The following CNTNAP3 variants were observed in gnomAD, a reference collection of about 807,000 sequenced individuals.
The protein encoded by CNTNAP3 is contactin associated protein family member 3.
In CNTNAP3, 36 loss-of-function variants were observed where a neutral mutation model predicts 92.1. The ratio of observed to expected loss-of-function variants is 0.39; its 90% CI spans 0.30 to 0.52. The LOEUF (loss-of-function observed/expected upper bound fraction) is 0.52. CNTNAP3 is among the 20% of genes least tolerant of loss of function. The pLI, the probability that CNTNAP3 is intolerant of heterozygous loss-of-function variation, is 0.76. For missense variants in CNTNAP3, 534 were observed against 1,069.6 expected, an observed-to-expected ratio of 0.50 and a Z score of 6.98; for synonymous variants, 232 against 422.3, an observed-to-expected ratio of 0.55 and a Z score of 5.53.
intron 11 of CNTNAP3, among the ~76,000 whole-genome samples, chr9:39,142,076 T>C (rs1412044451): frequency 6.6e-6 from 1 of 152,178 alleles, no homozygotes; most frequent in African/African-American, 2.4e-5. Context: ...GAAATACTTT[T>C]TCAATCTCCT....
chr9:39,086,690 T>C (rs200008891), intron 20 of CNTNAP3, 26 bp downstream of exon 20: 2 of 1,604,654 alleles, frequency 1.2e-6, no homozygotes, highest in Non-Finnish European at 8.5e-7. Context: ...TATTAGTTAG[T>C]TTGACTTTTG....
rs1826688251 is a variant in CNTNAP3 at position 39,109,386 on chromosome 9, G to C, written c.2238-99C>G. On this transcript the variant is annotated intron_variant, in intron 14 of 23. Coordinates refer to ENST00000297668, the MANE Select transcript of CNTNAP3 (RefSeq NM_033655.5). Reference sequence around the variant, plus strand: ...CTCAATTTGAAACCAACATCATAGAGCTTAACAGAATACTTAACATTTTCA... The same window carrying C: ...CTCAATTTGAAACCAACATCATAGACCTTAACAGAATACTTAACATTTTCA... The C allele has an allele frequency of 2.6e-6, 4 of 1,529,050 alleles. No homozygotes were observed. The East Asian group carries it at 9.6e-5, about 37-fold the overall frequency. 94.7% of individuals were successfully genotyped at this position (1,529,050 alleles called of 1,614,324 possible).
intron 18 of CNTNAP3, among the ~76,000 whole-genome samples, chr9:39,091,213 T>C (rs1467387867): frequency 6.6e-6 from 1 of 151,614 alleles, no homozygotes; most frequent in Non-Finnish European, 1.5e-5. Context: ...CAGTCTGGCC[T>C]GAACCTCTAG....
At chr9:39,153,853 C>A (rs147360830) in intron 9 of CNTNAP3, among the ~76,000 whole-genome samples, 2,436 of 144,902 alleles carry the variant, frequency 0.017, 260 homozygotes, top group African/African-American at 0.061. Flanking sequence ...GCCACCGCGT[C>A]TGGCCTAAAC....
rs1306611494 is a variant in CNTNAP3 at position 39,066,584 on chromosome 9, A to G, written c.*7306T>C. Among the ~76,000 whole-genome samples the G allele has an allele frequency of 7.2e-5, 11 of 152,356 alleles. No individual in the cohort carries two copies. In the South Asian group the frequency reaches 2.3e-3, roughly 32 times the overall value. On this transcript the variant is annotated 3_prime_UTR_variant, in exon 24 of 24. Transcript: ENST00000297668. ...TTTAACTTTTCTATGTCTGAAAAAT[A>G]TCTTTGTTTCATCCTTTCTTGAAAG...
chr9:39,112,368 T>G (rs1826768649), intron 14 of CNTNAP3, among the ~76,000 whole-genome samples: 1 of 147,428 alleles, frequency 6.8e-6, no homozygotes, highest in Non-Finnish European at 1.5e-5. Context: ...ACTTTTTAAC[T>G]TTTTTTTTTT....
At chr9:39,109,428 G>A in intron 14 of CNTNAP3, 141 bp from the exon 15 acceptor site, 1 of 1,396,244 alleles carries the variant, frequency 7.2e-7, no homozygotes, top group Non-Finnish European at 9.6e-7. Context: ...TGAGAGCACA[G>A]AGACTACCAT....
intron 13 of CNTNAP3, 35 bp downstream of exon 13, chr9:39,132,897 C>A: frequency 1.3e-6 from 2 of 1,519,892 alleles, no homozygotes; most frequent in South Asian, 1.2e-5. Context: ...GCCCCGGCCC[C>A]GTGAACCCCT....
chr9:39,131,412 A>G (rs1217771724), intron 13 of CNTNAP3, among the ~76,000 whole-genome samples: 1 of 152,118 alleles, frequency 6.6e-6, no homozygotes, highest in Admixed American at 6.5e-5. Flanking sequence ...TTTGAATGCA[A>G]CCAGACCTTT....
chr9:39,159,865 TAG>T (rs1822047858), intron 9 of CNTNAP3: 1 of 143,654 alleles, frequency 7.0e-6, no homozygotes, highest in Non-Finnish European at 1.5e-5. Context: ...TCTCTCACTT[TAG>T]AAGTGTGGGA....
chr9:39,068,243 CAAA>C lies in CNTNAP3; in HGVS notation c.*5644_*5646del, dbSNP rs1198106886. On this transcript the variant is annotated 3_prime_UTR_variant, in exon 24 of 24. Coordinates refer to ENST00000297668, the MANE Select transcript of CNTNAP3 (RefSeq NM_033655.5). ...TGAAACCTTGCCTCCACTAAAAATA[CAAA>C]AAAAAAAAAAAAAAAAAAAATTAGC... Among the ~76,000 whole-genome samples, 72 of 129,328 alleles carry C rather than the reference CAAA, an allele frequency of 5.6e-4. No individual in the cohort carries two copies. Among genetic ancestry groups the C allele is most frequent in the South Asian group, 7.4e-4 (3 of 4,054 alleles). The allele number at this position is 129,328 out of a possible 152,430, so 84.8% of individuals were successfully genotyped here. A position where few individuals can be genotyped will look rare whatever the true frequency, so the allele number is the denominator to read the frequency against.
intron 18 of CNTNAP3, among the ~76,000 whole-genome samples, chr9:39,090,822 A>G (rs879645123): frequency 6.6e-5 from 10 of 152,304 alleles, no homozygotes; most frequent in Admixed American, 3.9e-4. Context: ...TATTCAATCC[A>G]TGACATGAAA....
chr9:39,123,964 T>TA (rs1821098030), intron 13 of CNTNAP3, among the ~76,000 whole-genome samples: 1 of 151,596 alleles, frequency 6.6e-6, no homozygotes, highest in African/African-American at 2.4e-5. Flanking sequence ...ACAATATAGG[T>TA]CAAAAACACA....
intron 9 of CNTNAP3, among the ~76,000 whole-genome samples, chr9:39,158,315 A>G (rs550129214): frequency 1.6e-5 from 2 of 125,900 alleles, no homozygotes; most frequent in African/African-American, 3.6e-5. Context: ...TCTGGAAGAC[A>G]TGCATTTCAG....
intron 14 of CNTNAP3, among the ~76,000 whole-genome samples, chr9:39,117,723 C>T (rs865846495): frequency 4.6e-5 from 7 of 152,134 alleles, no homozygotes; most frequent in South Asian, 4.1e-4. Context: ...GAATATGCAG[C>T]ATTATATCCC....
At chr9:39,109,337 G>A (rs753549695) in intron 14 of CNTNAP3, 50 bp from the exon 15 acceptor site, 9 of 1,602,668 alleles carry the variant, frequency 5.6e-6, no homozygotes, top group Non-Finnish European at 6.8e-6. Flanking sequence ...TAACATACGG[G>A]CAAAATTAAC....
rs996492797 is a variant in CNTNAP3 at position 39,066,475 on chromosome 9, C to G, written c.*7415G>C. Among the ~76,000 whole-genome samples the G allele has an allele frequency of 9.2e-5, 14 of 152,200 alleles. No individual in the cohort carries two copies. The highest frequency in any genetic ancestry group is 1.9e-4 in the Non-Finnish European group (13 of 68,028). ...GTGTGGATCCATGTTTCTATCTGCACAAAGATATTATTCTTTATTTTCCTT... is the reference window on the plus strand; with the variant it reads ...GTGTGGATCCATGTTTCTATCTGCAGAAAGATATTATTCTTTATTTTCCTT... On this transcript the variant is annotated 3_prime_UTR_variant, in exon 24 of 24. Coordinates refer to ENST00000297668, the MANE Select transcript of CNTNAP3 (RefSeq NM_033655.5).
Position 39,072,963 on chromosome 9 carries a change from G to A in CNTNAP3, c.*927C>T, listed in dbSNP as rs1232155944. 1 of 152,728 alleles carries A rather than the reference G, an allele frequency of 6.5e-6. No homozygotes were observed. The highest frequency in any genetic ancestry group is 1.9e-4 in the East Asian group (1 of 5,208). The allele number at this position is 152,728 out of a possible 1,614,324, so 9.5% of individuals were successfully genotyped here. The stretch of plus-strand genomic sequence containing the variant: ...TTCACGTCTTAATGATATAAATAAA[G>A]GATAACTCTGTGTAAGAAGTATTGT... On this transcript the variant is annotated 3_prime_UTR_variant, in exon 24 of 24. Transcript: ENST00000297668.
rs1825570490 is a variant in CNTNAP3, at chr9:39,068,760, T to A, written c.*5130A>T. On this transcript the variant is annotated 3_prime_UTR_variant, in exon 24 of 24. Transcript: ENST00000297668. ...TTGCTAGGCTTCCTTAAGCTATCTA[T>A]CTCCATTGTCACTGCTGTCTCAAAT... Among the ~76,000 whole-genome samples the A allele has an allele frequency of 6.6e-6, 1 of 152,312 alleles. No individual in the cohort carries two copies. The highest frequency in any genetic ancestry group is 2.4e-5 in the African/African-American group (1 of 41,488).
Sources: allele counts gnomAD v4.1 joint callset (sites outside exome capture counted in the v4.1 genomes callset), GRCh38; gene constraint gnomAD v4.1.1; transcripts MANE v1.5; gene names NCBI Gene and HGNC (gene_info 2026-07-23, HGNC 2026-07-21).